Variants in IL17RD observed in about 807,000 individuals in gnomAD.
IL17RD encodes the protein interleukin-17 receptor D.
A neutral mutation model predicts 80.5 loss-of-function variants in IL17RD; 52 were observed. The ratio of observed to expected loss-of-function variants is 0.65; its 90% CI spans 0.52 to 0.81. The LOEUF is 0.81. IL17RD is among the 40% of genes least tolerant of loss of function. The pLI is 0.00. For missense variants in IL17RD, 1,024 were observed against 955.1 expected (o/e 1.07, Z -0.95); for synonymous variants, 416 against 391.8 (o/e 1.06, Z -0.73).
At chr3:57,117,599 A>G (rs1463219595) in intron 2 of IL17RD, among the ~76,000 whole-genome samples, 2 of 152,258 alleles carry the variant, frequency 1.3e-5, no homozygotes, top group African/African-American at 4.8e-5. Flanking sequence ...ATAGAAAAAT[A>G]CGATTTTTAG....
intron 11 of IL17RD, among the ~76,000 whole-genome samples, chr3:57,099,165 G>A (rs1039663128): frequency 6.6e-6 from 1 of 152,214 alleles, no homozygotes; most frequent in Non-Finnish European, 1.5e-5. Flanking sequence ...TCCATGGCTG[G>A]AGAGGAGGCT....
chr3:57,167,698 A>G (rs1291256897), upstream of IL17RD, among the ~76,000 whole-genome samples: 10 of 152,210 alleles, frequency 6.6e-5, no homozygotes, highest in African/African-American at 2.4e-4. Context: ...CATTTCTAGA[A>G]TCAGAATTGC....
intron 5 of IL17RD, 67 bp from the exon 6 acceptor site, chr3:57,106,221 C>T (rs537881620): frequency 4.3e-6 from 5 of 1,159,990 alleles, no homozygotes; most frequent in East Asian, 2.5e-5. Flanking sequence ...CTCCCAACAA[C>T]CCAATGAAAT....
Position 57,094,904 on chromosome 3 carries a change from G to T in IL17RD, c.*1489C>A, listed in dbSNP as rs1706636913. ...ACGTTCTTTTCCCAAAAAGCTGCCA[G>T]CTGCCTTTACAGAGCAGTGAGTATG... On this transcript the variant is annotated 3_prime_UTR_variant, in exon 13 of 13. Coordinates refer to ENST00000296318, the MANE Select transcript of IL17RD (RefSeq NM_017563.5). The T allele has an allele frequency of 6.6e-6, 1 of 152,670 alleles. No homozygotes were observed. 9.5% of individuals were successfully genotyped at this position (152,670 alleles called of 1,614,324 possible). A position where few individuals can be genotyped will look rare whatever the true frequency, so the allele number is the denominator to read the frequency against.
chr3:57,124,442 G>A (rs1468541089), intron 1 of IL17RD, among the ~76,000 whole-genome samples: 1 of 152,100 alleles, frequency 6.6e-6, no homozygotes, highest in Non-Finnish European at 1.5e-5. Flanking sequence ...AAGACAGAAG[G>A]GTCAGAATCA....
At chr3:57,122,656 T>C (rs1161313100) in intron 1 of IL17RD, among the ~76,000 whole-genome samples, 1 of 151,760 alleles carries the variant, frequency 6.6e-6, no homozygotes, top group African/African-American at 2.4e-5. Context: ...CATGGAAAAA[T>C]TGTCTTCCAC....
intron 11 of IL17RD, among the ~76,000 whole-genome samples, chr3:57,100,003 CTCTT>C (rs1706789489): frequency 6.6e-6 from 1 of 152,200 alleles, no homozygotes; most frequent in African/African-American, 2.4e-5. Context: ...ATATGAGTTC[CTCTT>C]TCTAAGATTT....
chr3:57,123,948 G>A (rs1559475371), intron 1 of IL17RD, among the ~76,000 whole-genome samples: 3 of 152,180 alleles, frequency 2.0e-5, no homozygotes, highest in Admixed American at 2.0e-4. Context: ...GGGAGGCTGA[G>A]GCGGGAGAAT....
intron 1 of IL17RD, chr3:57,164,912 G>A (rs962030906): frequency 8.0e-7 from 1 of 1,243,570 alleles, no homozygotes; most frequent in Non-Finnish European, 1.0e-6. Context: ...TGGGACCCCG[G>A]CCGGCGGCCG....
intron 1 of IL17RD, among the ~76,000 whole-genome samples, chr3:57,152,016 TG>T (rs755590626): frequency 6.6e-6 from 1 of 152,142 alleles, no homozygotes. Flanking sequence ...GACTCAGTAC[TG>T]TGCCCCCAGT....
chr3:57,098,115 T>C lies in IL17RD; in HGVS notation c.1588A>G (p.Arg530Gly), dbSNP rs1215969249. ...EPGQHTRQGS[R>G]RNYFRSKSGR... ...GACTTGCTCCGGAAGTAGTTCCTTC[T>C]GCTGCCCTGTCGCGTGTGCTGCCCC... The change falls in exon 12 of 13, where the codon AGA becomes GGA. Residue 530 changes from arginine to glycine, a missense_variant. Coordinates refer to ENST00000296318, the MANE Select transcript of IL17RD (RefSeq NM_017563.5). 1 of 1,613,980 alleles carries C rather than the reference T, an allele frequency of 6.2e-7. No homozygotes were observed. The highest frequency in any genetic ancestry group is 1.1e-5 in the South Asian group (1 of 91,072).
chr3:57,111,690 GCCGGGCGCGGTGACTCACGCCTGT>G (rs1307863229), intron 3 of IL17RD, among the ~76,000 whole-genome samples: 1 of 152,130 alleles, frequency 6.6e-6, no homozygotes, highest in Non-Finnish European at 1.5e-5. Context: ...CATCGTTGGG[GCCGGGCGCGGTGACTCACGCCTGT>G]AATCCCAGCA....
intron 3 of IL17RD, among the ~76,000 whole-genome samples, chr3:57,111,299 A>T (rs1707092234): frequency 6.6e-6 from 1 of 152,260 alleles, no homozygotes; most frequent in South Asian, 2.1e-4. Flanking sequence ...TCCTATAATT[A>T]TTTGATGAAG....
At chr3:57,160,741 T>G (rs1464513644) in intron 1 of IL17RD, among the ~76,000 whole-genome samples, 1 of 152,192 alleles carries the variant, frequency 6.6e-6, no homozygotes, top group African/African-American at 2.4e-5. Flanking sequence ...TTCTTTGGAT[T>G]GTGGGACCCC....
chr3:57,146,796 T>A (rs1707940281), intron 1 of IL17RD, among the ~76,000 whole-genome samples: 1 of 148,506 alleles, frequency 6.7e-6, no homozygotes, highest in Admixed American at 6.8e-5. Context: ...AACGTCAATA[T>A]TTCGTGTGTG....
At position 57,102,278 on chromosome 3, in the gene IL17RD, G is replaced by A. The variant is rs76515193; in HGVS notation, c.979+201C>T. On this transcript the variant is annotated intron_variant, in intron 10 of 12. Coordinates refer to ENST00000296318, the MANE Select transcript of IL17RD (RefSeq NM_017563.5). Reference sequence around the variant, plus strand: ...GAGCGAGACCCTGTCCCAAGAAACAGATATATAATGATACCTGTTTTTTTT... The same window carrying A: ...GAGCGAGACCCTGTCCCAAGAAACAAATATATAATGATACCTGTTTTTTTT... Among the ~76,000 whole-genome samples, 1,388 of 152,270 alleles carry A rather than the reference G, an allele frequency of 9.1e-3. 25 individuals are homozygous for A. The highest frequency in any genetic ancestry group is 0.032 in the African/African-American group (1,318 of 41,566).
chr3:57,127,283 TAAATATATATAAATATATATAA>T (rs1559476907), intron 1 of IL17RD, among the ~76,000 whole-genome samples: 1 of 64,726 alleles, frequency 1.5e-5, no homozygotes, highest in Non-Finnish European at 2.7e-5. Flanking sequence ...AAAATATATA[TAAATATATATAAATATATATAA>T]AAATATATAA....
intron 1 of IL17RD, among the ~76,000 whole-genome samples, chr3:57,143,833 T>C (rs966101237): frequency 6.6e-6 from 1 of 152,200 alleles, no homozygotes; most frequent in African/African-American, 2.4e-5. Context: ...GGGGGGCACC[T>C]TCTGGAAGTG....
intron 1 of IL17RD, among the ~76,000 whole-genome samples, chr3:57,154,283 T>TACACACACACACACACAC (rs1553628627): frequency 8.9e-6 from 1 of 112,912 alleles, no homozygotes; most frequent in South Asian, 3.4e-4. Flanking sequence ...TATATATATA[T>TACACACACACACACACAC]ACACACACAC....
Sources: allele counts gnomAD v4.1 joint callset (sites outside exome capture counted in the v4.1 genomes callset), GRCh38; gene constraint gnomAD v4.1.1; transcripts MANE v1.5; gene names NCBI Gene and HGNC (gene_info 2026-07-23, HGNC 2026-07-21).